Variants in AHCTF1 observed in about 807,000 individuals in gnomAD.
AHCTF1 encodes AT-hook containing transcription factor 1, also known as protein ELYS.
Under a neutral mutation model 248.4 loss-of-function variants are expected in AHCTF1, and 24 were observed. The observed-to-expected ratio is 0.10, with a 90% CI of 0.07 to 0.14. AHCTF1 has a LOEUF of 0.14. Among genes scored for constraint, AHCTF1 ranks in the 10% least tolerant of loss-of-function variants. The pLI is 1.00. For missense variants in AHCTF1, 2,206 were observed against 2,636.2 expected (o/e 0.84, Z 3.57); for synonymous variants, 786 against 929.8 (o/e 0.85, Z 2.81).
intron 21 of AHCTF1, among the ~76,000 whole-genome samples, chr1:246,885,218 C>T (rs1308352873): frequency 2.6e-5 from 4 of 152,146 alleles, no homozygotes; most frequent in East Asian, 1.9e-4. Context: ...GGGACTGGTT[C>T]CAGGATCCCC....
At chr1:246,854,139 A>G (rs955538575) in intron 31 of AHCTF1, among the ~76,000 whole-genome samples, 7 of 152,064 alleles carry the variant, frequency 4.6e-5, no homozygotes, top group African/African-American at 1.4e-4. Context: ...CTCCACTAAA[A>G]ATACAAAAAA....
intron 21 of AHCTF1, among the ~76,000 whole-genome samples, chr1:246,881,656 G>C (rs1490681543): frequency 6.6e-6 from 1 of 151,650 alleles, no homozygotes; most frequent in Non-Finnish European, 1.5e-5. Flanking sequence ...GACCAACATG[G>C]GTGAAACCCT....
intron 35 of AHCTF1, 95 bp downstream of exon 35, chr1:246,842,599 A>G: frequency 1.0e-6 from 1 of 954,408 alleles, no homozygotes; most frequent in Middle Eastern, 3.7e-4. Flanking sequence ...ATAAATAAAA[A>G]TAAAATAAAA....
chr1:246,847,306 CA>C (rs58227848), intron 33 of AHCTF1, among the ~76,000 whole-genome samples: 2 of 146,754 alleles, frequency 1.4e-5, no homozygotes, highest in Non-Finnish European at 3.0e-5. Flanking sequence ...AAAAAACAAA[CA>C]AAAAAAAAAC....
chr1:246,900,476 G>T lies in AHCTF1; in HGVS notation c.1118-7C>A, dbSNP rs747098059. ...CTAGTGTCAGGCGATAGAGCTGGAA[G>T]AAAAAGATAATTTTTAAAAACAGAA... On this transcript the variant is annotated splice_region_variant and splice_polypyrimidine_tract_variant and intron_variant, in intron 8 of 35. Coordinates refer to ENST00000648844, the MANE Select transcript of AHCTF1 (RefSeq NM_001323342.2). The T allele has an allele frequency of 6.3e-7, 1 of 1,581,654 alleles. No individual in the cohort carries two copies. Among genetic ancestry groups the T allele is most frequent in the African/African-American group, 1.4e-5 (1 of 72,702 alleles).
intron 1 of AHCTF1, among the ~76,000 whole-genome samples, chr1:246,927,113 G>A (rs549621095): frequency 5.5e-4 from 83 of 151,966 alleles, no homozygotes; most frequent in African/African-American, 2.0e-3. Context: ...GGGAGGCGGA[G>A]CTTGCAGTGA....
intron 12 of AHCTF1, among the ~76,000 whole-genome samples, chr1:246,896,215 A>G (rs762545424): frequency 6.6e-6 from 1 of 152,206 alleles, no homozygotes; most frequent in Non-Finnish European, 1.5e-5. Flanking sequence ...TTCCACACCT[A>G]GGTATATACC....
At chr1:246,881,581 A>C (rs1663413537) in intron 21 of AHCTF1, among the ~76,000 whole-genome samples, 2 of 152,152 alleles carry the variant, frequency 1.3e-5, no homozygotes, top group Admixed American at 1.3e-4. Context: ...TCATACCTGT[A>C]ATCCCAGCAC....
chr1:246,926,374 T>C lies in AHCTF1; in HGVS notation c.-8+5204A>G, dbSNP rs112900823. On this transcript the variant is annotated intron_variant, in intron 1 of 35. Coordinates refer to ENST00000648844, the MANE Select transcript of AHCTF1 (RefSeq NM_001323342.2). ...CTATATTCTGTCTTCCTCCCTTTCA[T>C]ATCCAAGCTTCTAGAAAAGAGGAGT... is the stretch of plus-strand genomic sequence containing the variant. Among the ~76,000 whole-genome samples, 947 of 152,334 alleles carry C rather than the reference T, an allele frequency of 6.2e-3. 8 individuals carry two copies. The highest frequency in any genetic ancestry group is 0.02 in the African/African-American group (848 of 41,572).
In AHCTF1 at chr1:246,842,742, T is replaced by C; in HGVS notation, c.6560A>G (p.Lys2187Arg). ...DDAQSVETLG[K>R]PKAKRIRTSK... The stretch of plus-strand genomic sequence containing the variant: ...CGTCCTGATTCGTTTCGCTTTTGGC[T>C]TTCCCAGAGTTTCTACTGATTGTGC... Residue 2187 changes from lysine to arginine, a missense_variant, in exon 35 of 36, where the codon AAG (lysine) becomes AGG (arginine). Physicochemically the swap from Lys to Arg is conservative, Grantham distance 26 (BLOSUM62 2). This residue lies in a region of AHCTF1 where 469 missense variants were observed against 470.0 expected (regional missense o/e 1.00). Coordinates refer to ENST00000648844, the MANE Select transcript of AHCTF1 (RefSeq NM_001323342.2). 1.9e-6 allele frequency: 3 copies of C among 1,613,892 alleles called. No individual in the cohort carries two copies. Among genetic ancestry groups the C allele is most frequent in the Admixed American group, 1.7e-5 (1 of 60,024 alleles).
chr1:246,858,811 A>G (rs549305502), intron 29 of AHCTF1, among the ~76,000 whole-genome samples: 42 of 152,208 alleles, frequency 2.8e-4, no homozygotes, highest in Non-Finnish European at 5.9e-4. Flanking sequence ...AAAAAAAAAA[A>G]AAATAAATAC....
intron 21 of AHCTF1, among the ~76,000 whole-genome samples, chr1:246,883,228 A>T (rs978496179): frequency 6.6e-6 from 1 of 152,188 alleles, no homozygotes; most frequent in Admixed American, 6.5e-5. Context: ...TATGTAATCA[A>T]ATCATTTGGG....
chr1:246,911,479 C>CTTTT lies in AHCTF1; in HGVS notation c.556+1749_556+1752dup, dbSNP rs35320501. On this transcript the variant is annotated intron_variant, in intron 4 of 35. Coordinates refer to ENST00000648844, the MANE Select transcript of AHCTF1 (RefSeq NM_001323342.2). ...GGTATAGTGTCTATCTATGAAGATT[C>CTTTT]TTTTTTTTTTTTTTTTTTTTTGAGA... Among the ~76,000 whole-genome samples, 204 of 99,446 alleles carry CTTTT rather than the reference C, an allele frequency of 2.1e-3. 3 individuals are homozygous for CTTTT. Among genetic ancestry groups the CTTTT allele is most frequent in the African/African-American group, 3.4e-3 (87 of 25,618 alleles). 65.2% of individuals were successfully genotyped at this position (99,446 alleles called of 152,430 possible).
At chr1:246,893,315 G>GC (rs1259156365) in intron 14 of AHCTF1, among the ~76,000 whole-genome samples, 1 of 152,140 alleles carries the variant, frequency 6.6e-6, no homozygotes, top group Non-Finnish European at 1.5e-5. Flanking sequence ...ACTAGAAAGC[G>GC]CCATGTCTTC....
intron 14 of AHCTF1, among the ~76,000 whole-genome samples, chr1:246,893,946 G>C (rs1403470814): frequency 6.6e-6 from 1 of 152,104 alleles, no homozygotes; most frequent in Non-Finnish European, 1.5e-5. Flanking sequence ...CTCACGCCTT[G>C]TAATACCAAC....
Position 246,893,321 on chromosome 1 carries a change from T to C in AHCTF1, c.1804+1338A>G, listed in dbSNP as rs114075145. On this transcript the variant is annotated intron_variant, in intron 14 of 35. Transcript: ENST00000648844. ...TCTAAAAACACTAGAAAGCGCCATG[T>C]CTTCCTAACGAACTTGATTGGTTTA... Among the ~76,000 whole-genome samples, 567 of 152,342 alleles carry C rather than the reference T, an allele frequency of 3.7e-3. 5 individuals carry two copies. Among genetic ancestry groups the C allele is most frequent in the Non-Finnish European group, 6.3e-3 (428 of 68,034 alleles).
intron 2 of AHCTF1, among the ~76,000 whole-genome samples, chr1:246,916,925 A>G (rs988535196): frequency 6.6e-6 from 1 of 152,216 alleles, no homozygotes; most frequent in Non-Finnish European, 1.5e-5. Context: ...CTATCCCTAA[A>G]GAGTTCACAG....
At position 246,855,712 on chromosome 1, in the gene AHCTF1, C is replaced by A. The variant is rs1661063288; in HGVS notation, c.4354+18G>T. 6.3e-7 allele frequency: 1 copy of A among 1,580,964 alleles called. No homozygotes were observed. Among genetic ancestry groups the A allele is most frequent in the South Asian group, 1.1e-5 (1 of 87,312 alleles). On this transcript the variant is annotated intron_variant, in intron 31 of 35. Coordinates refer to ENST00000648844, the MANE Select transcript of AHCTF1 (RefSeq NM_001323342.2). ...CACAAAAATGGAATAATCCTGAAGTCAAAATTATTATACATACATTTATTG... is the reference window on the plus strand; with the variant it reads ...CACAAAAATGGAATAATCCTGAAGTAAAAATTATTATACATACATTTATTG...
intron 21 of AHCTF1, among the ~76,000 whole-genome samples, chr1:246,882,935 T>C (rs771532467): frequency 2.0e-5 from 3 of 152,250 alleles, no homozygotes; most frequent in Non-Finnish European, 4.4e-5. Context: ...CTGCCTTTGA[T>C]CCTATTTCAC....
Sources: allele counts gnomAD v4.1 joint callset (sites outside exome capture counted in the v4.1 genomes callset), GRCh38; gene constraint gnomAD v4.1.1; regional missense constraint gnomAD v4.1.1; transcripts MANE v1.5; gene names NCBI Gene and HGNC (gene_info 2026-07-23, HGNC 2026-07-21).